TM9SF2: variants seen among roughly 807,000 people sequenced by gnomAD.
TM9SF2 encodes transmembrane 9 superfamily member 2.
Under a neutral mutation model 84.9 loss-of-function variants are expected in TM9SF2, and 13 were observed. The ratio of observed to expected loss-of-function variants is 0.15; its 90% CI spans 0.10 to 0.24. The LOEUF (loss-of-function observed/expected upper bound fraction) is 0.24. Ranked by LOEUF, TM9SF2 falls within the 10% of genes least tolerant of loss-of-function variation. TM9SF2 has a pLI of 1.00. For synonymous variants in TM9SF2, 273 were observed against 285.8 expected (o/e 0.96, Z 0.45); for missense variants, 562 against 818.5 (o/e 0.69, Z 3.82).
chr13:99,529,275 G>A (rs2046197461), intron 3 of TM9SF2, among the ~76,000 whole-genome samples, 192 bp from the exon 4 acceptor site: 1 of 152,096 alleles, frequency 6.6e-6, no homozygotes, highest in South Asian at 2.1e-4. Flanking sequence ...TTGATGACGA[G>A]TCTTTAGAGA....
chr13:99,527,634 T>A (rs2046189668), intron 3 of TM9SF2, among the ~76,000 whole-genome samples: 1 of 152,216 alleles, frequency 6.6e-6, no homozygotes, highest in African/African-American at 2.4e-5. Flanking sequence ...ATCCTGATGG[T>A]CTCAGGCTGC....
At chr13:99,520,259 T>A (rs1457562124) in intron 3 of TM9SF2, 130 bp downstream of exon 3, 1 of 710,500 alleles carries the variant, frequency 1.4e-6, no homozygotes, top group Non-Finnish European at 2.3e-6. Flanking sequence ...TAGGAATAGG[T>A]TCTTAAAATC....
intron 6 of TM9SF2, among the ~76,000 whole-genome samples, chr13:99,538,313 C>T (rs2046243228): frequency 6.6e-6 from 1 of 152,062 alleles, no homozygotes; most frequent in Non-Finnish European, 1.5e-5. Flanking sequence ...AAAGAGATCT[C>T]TTCAACTTAT....
At chr13:99,537,497 G>A (rs148941270) in intron 5 of TM9SF2, among the ~76,000 whole-genome samples, 3 of 152,144 alleles carry the variant, frequency 2.0e-5, no homozygotes, top group Admixed American at 6.5e-5. Context: ...CTAGATTAGT[G>A]TTCTTTTGAA....
rs59117063 is a variant in TM9SF2 at position 99,525,918 on chromosome 13, G to A, written c.334-3549G>A. On this transcript the variant is annotated intron_variant, in intron 3 of 16. Transcript: ENST00000376387. ...GTGGATGAGTGTGATCAGTAGATAC[G>A]GGAAAAGTGATGATTTAGGAGAGGG... Among the ~76,000 whole-genome samples the A allele has an allele frequency of 5.1e-3, 779 of 152,282 alleles. 11 individuals carry two copies. Among genetic ancestry groups the A allele is most frequent in the African/African-American group, 0.018 (736 of 41,552 alleles).
intron 1 of TM9SF2, among the ~76,000 whole-genome samples, chr13:99,506,580 G>T (rs922319630): frequency 1.3e-5 from 2 of 152,162 alleles, no homozygotes; most frequent in Admixed American, 1.3e-4. Context: ...GACTGTAATT[G>T]TTCATTATAG....
At chr13:99,519,918 TACTC>T (rs2046151934) in intron 2 of TM9SF2, 114 bp from the exon 3 acceptor site, 1 of 748,222 alleles carries the variant, frequency 1.3e-6, no homozygotes, top group African/African-American at 1.8e-5. Flanking sequence ...ATAGATTTCT[TACTC>T]ATCTACTAGA....
At chr13:99,531,748 G>A (rs2046210962) in intron 4 of TM9SF2, among the ~76,000 whole-genome samples, 2 of 152,144 alleles carry the variant, frequency 1.3e-5, no homozygotes, top group South Asian at 4.1e-4. Context: ...GAACTTTAAA[G>A]ACTCCTTTGT....
At position 99,501,813 on chromosome 13, in the gene TM9SF2, TGGAAGG is replaced by T. The variant is rs769800351; in HGVS notation, c.171+42_171+47del. The T allele has an allele frequency of 1.9e-6, 3 of 1,577,754 alleles. No individual in the cohort carries two copies. In the African/African-American group the frequency reaches 4.2e-5, roughly 22 times the overall value. On this transcript the variant is annotated intron_variant, in intron 1 of 16. Coordinates refer to ENST00000376387, the MANE Select transcript of TM9SF2 (RefSeq NM_004800.3). ...CCTGACGAGCCCTCTGATGCACTGT[TGGAAGG>T]GGAAGTCGTCCCTATCCGGGGGAGC...
chr13:99,517,727 T>C (rs2046140785), intron 2 of TM9SF2, 46 bp downstream of exon 2: 6 of 1,386,080 alleles, frequency 4.3e-6, no homozygotes, highest in Non-Finnish European at 5.9e-6. Context: ...ATGTGACTCA[T>C]CAGAATTTTG....
intron 1 of TM9SF2, among the ~76,000 whole-genome samples, chr13:99,516,266 C>T (rs1010467179): frequency 4.6e-5 from 7 of 152,112 alleles, no homozygotes; most frequent in African/African-American, 1.2e-4. Context: ...GTACACCAAC[C>T]GTCTCGTCTT....
intron 3 of TM9SF2, among the ~76,000 whole-genome samples, chr13:99,527,858 T>C (rs571768540): frequency 2.6e-5 from 4 of 152,252 alleles, no homozygotes; most frequent in African/African-American, 9.6e-5. Context: ...AGGCAGTTAC[T>C]GCGCCCATTT....
rs191997812 is a variant in TM9SF2, at chr13:99,561,860, C to T, written c.1925-831C>T. Among the ~76,000 whole-genome samples the T allele has an allele frequency of 9.8e-4, 149 of 152,334 alleles. 1 individual carries two copies. The highest frequency in any genetic ancestry group is 6.8e-3 in the Middle Eastern group (2 of 292). On this transcript the variant is annotated intron_variant, in intron 16 of 16. Transcript: ENST00000376387. ...TTGATTTCTGGCCACAAGTACCATC[C>T]ATGTGACCATGAGACAGTCACTTAA...
chr13:99,559,830 CTTT>C (rs11402923), intron 16 of TM9SF2, among the ~76,000 whole-genome samples: 3 of 139,204 alleles, frequency 2.2e-5, no homozygotes, highest in Non-Finnish European at 1.6e-5. Context: ...ACACACAGTC[CTTT>C]TTTTTTTTTT....
In TM9SF2 at chr13:99,537,730, G is replaced by A. The variant is rs372869433; in HGVS notation, c.592-9G>A. ...TTTCTACCTTTAACTTTTAAGTTCT[G>A]TTCTGCAGTCAGATTTCCATGAAAG... On this transcript the variant is annotated splice_polypyrimidine_tract_variant and intron_variant, in intron 5 of 16. Transcript: ENST00000376387. 43 of 1,599,004 alleles carry A rather than the reference G, an allele frequency of 2.7e-5. No individual in the cohort carries two copies. The African/African-American group carries it at 5.4e-4, about 20-fold the overall frequency.
At chr13:99,538,784 G>A (rs747271302) in intron 6 of TM9SF2, among the ~76,000 whole-genome samples, 1 of 151,280 alleles carries the variant, frequency 6.6e-6, no homozygotes, top group Admixed American at 6.6e-5. Flanking sequence ...ACTGTGGCCC[G>A]TGCCTGTAGG....
At chr13:99,512,487 G>A (rs2046117595) in intron 1 of TM9SF2, among the ~76,000 whole-genome samples, 1 of 152,150 alleles carries the variant, frequency 6.6e-6, no homozygotes, top group African/African-American at 2.4e-5. Context: ...TAGATGAAAT[G>A]CCAAACGTAG....
At chr13:99,548,614 CAT>C (rs1175250169) in intron 11 of TM9SF2, among the ~76,000 whole-genome samples, 2 of 152,152 alleles carry the variant, frequency 1.3e-5, no homozygotes, top group African/African-American at 4.8e-5. Context: ...GAGAGTAAAA[CAT>C]ATATTAGCAA....
At chr13:99,503,901 A>G (rs1049830501) in intron 1 of TM9SF2, among the ~76,000 whole-genome samples, 6 of 152,080 alleles carry the variant, frequency 3.9e-5, no homozygotes, top group Admixed American at 2.0e-4. Flanking sequence ...TTTAATTTTC[A>G]TAGGTATAGG....
Sources: allele counts gnomAD v4.1 joint callset (sites outside exome capture counted in the v4.1 genomes callset), GRCh38; gene constraint gnomAD v4.1.1; transcripts MANE v1.5; gene names NCBI Gene and HGNC (gene_info 2026-07-23, HGNC 2026-07-21).